Variants in PIGU observed in about 807,000 individuals in gnomAD.
PIGU encodes phosphatidylinositol glycan anchor biosynthesis class U, also known as GPI-anchor transamidase component PIGU.
A neutral mutation model predicts 49.9 loss-of-function variants in PIGU; 24 were observed. The ratio of observed to expected loss-of-function variants is 0.48; its 90% CI spans 0.35 to 0.68. The LOEUF (loss-of-function observed/expected upper bound fraction) is 0.68, where lower values mean the gene tolerates loss of function less well. PIGU is among the 30% of genes least tolerant of loss of function. PIGU has a pLI of 0.01. For missense variants in PIGU, 490 were observed against 532.6 expected (o/e 0.92, Z 0.79); for synonymous variants, 220 against 205.7 (o/e 1.07, Z -0.59).
chr20:34,632,913 T>A, intron 6 of PIGU, among the ~76,000 whole-genome samples: 1 of 149,228 alleles, frequency 6.7e-6, no homozygotes, highest in Middle Eastern at 3.4e-3. Flanking sequence ...TGTGTTTAAG[T>A]GTTGTTAAAA....
intron 3 of PIGU, 82 bp downstream of exon 3, chr20:34,645,193 A>C: frequency 7.2e-7 from 1 of 1,391,012 alleles, no homozygotes; most frequent in South Asian, 1.5e-5. Flanking sequence ...ATCTCAAAAA[A>C]AAAAAAAAAA....
intron 8 of PIGU, among the ~76,000 whole-genome samples, chr20:34,586,660 C>G (rs757392673): frequency 2.0e-4 from 30 of 151,200 alleles, no homozygotes; most frequent in Non-Finnish European, 3.8e-4. Context: ...CTATGCAGAG[C>G]CTGGCACGCA....
chr20:34,631,804 T>G (rs1600644503), intron 6 of PIGU, among the ~76,000 whole-genome samples: 1 of 35,896 alleles, frequency 2.8e-5, no homozygotes, highest in African/African-American at 1.1e-4. Flanking sequence ...TTTTTTTTTT[T>G]TTTTTTTTTT....
intron 7 of PIGU, among the ~76,000 whole-genome samples, chr20:34,592,060 G>A (rs988514517): frequency 6.6e-6 from 1 of 151,918 alleles, no homozygotes; most frequent in Non-Finnish European, 1.5e-5. Context: ...TGGTGGTTGG[G>A]CGCCTGTAGT....
At chr20:34,626,295 A>C (rs1600639829) in intron 6 of PIGU, among the ~76,000 whole-genome samples, 1 of 146,092 alleles carries the variant, frequency 6.8e-6, no homozygotes. Flanking sequence ...ATTTTTTAAA[A>C]CTCCAAACTT....
rs187529207 is a variant in PIGU at position 34,591,447 on chromosome 20, A to G, written c.628-2840T>C. Among the ~76,000 whole-genome samples, 23 of 152,344 alleles carry G rather than the reference A, an allele frequency of 1.5e-4. 1 individual carries two copies. Among genetic ancestry groups the G allele is most frequent in the South Asian group, 1.2e-3 (6 of 4,832 alleles). On this transcript the variant is annotated intron_variant, in intron 7 of 11. Coordinates refer to ENST00000217446, the MANE Select transcript of PIGU (RefSeq NM_080476.5). ...ATACTTATATAGAGCAGGGCACCTAATAACTAAGTAATTCACATTCATTTC... is the reference window on the plus strand; with the variant it reads ...ATACTTATATAGAGCAGGGCACCTAGTAACTAAGTAATTCACATTCATTTC...
At chr20:34,673,170 C>T (rs1423641918) in intron 1 of PIGU, among the ~76,000 whole-genome samples, 3 of 148,082 alleles carry the variant, frequency 2.0e-5, no homozygotes, top group South Asian at 2.1e-4. Flanking sequence ...AGGAGAATGG[C>T]GTAAACCCGG....
At position 34,677,010 on chromosome 20, in the gene PIGU, C is replaced by A; in HGVS notation, c.76G>T (p.Glu26Ter). Residue 26 changes from glutamate to a stop codon, truncating the protein, a stop_gained, in exon 1 of 12, where the codon GAG becomes TAG. Coordinates refer to ENST00000217446, the MANE Select transcript of PIGU (RefSeq NM_080476.5). LOFTEE classifies it high-confidence loss of function. ...RAALFRSSLA[E>*]FISERVEVVS... ...ACCTCCACCCGCTCGGAAATGAACT[C>A]GGCCAGACTGGAGCGGAACAAGGCC... 1 of 1,584,616 alleles carries A rather than the reference C, an allele frequency of 6.3e-7. No individual in the cohort carries two copies.
At position 34,627,546 on chromosome 20, in the gene PIGU, C is replaced by T. The variant is rs1395102887; in HGVS notation, c.529+7069G>A. 4.6e-5 allele frequency among the ~76,000 whole-genome samples: 7 copies of T among 151,260 alleles called. No homozygotes were observed. In the South Asian group the frequency reaches 1.0e-3, roughly 23 times the overall value. ...TTTCTTCCCCAAACAAAAACCTTTT[C>T]GTTGACTTACAGGTCATAAAATATT... On this transcript the variant is annotated intron_variant, in intron 6 of 11. Transcript: ENST00000217446.
chr20:34,563,557 GTAA>G (rs1982619780), intron 11 of PIGU, among the ~76,000 whole-genome samples: 1 of 141,102 alleles, frequency 7.1e-6, no homozygotes, highest in African/African-American at 2.6e-5. Flanking sequence ...GTCTCAAAAA[GTAA>G]TAATAAAAAA....
chr20:34,585,112 G>A (rs961473106), intron 9 of PIGU, among the ~76,000 whole-genome samples: 5 of 152,204 alleles, frequency 3.3e-5, no homozygotes, highest in African/African-American at 9.7e-5. Context: ...TGGGATTACA[G>A]GTGTGAGCCA....
chr20:34,562,725 G>A (rs1403372116), intron 11 of PIGU, among the ~76,000 whole-genome samples: 2 of 152,246 alleles, frequency 1.3e-5, no homozygotes, highest in East Asian at 3.9e-4. Flanking sequence ...CACGAGATTG[G>A]TCACAGCGTC....
At chr20:34,666,831 G>C (rs948324146) in intron 1 of PIGU, among the ~76,000 whole-genome samples, 5 of 151,536 alleles carry the variant, frequency 3.3e-5, no homozygotes, top group Non-Finnish European at 7.4e-5. Context: ...CGAGTAGCTG[G>C]GACTCCAGGC....
At chr20:34,645,407 T>C in intron 2 of PIGU, 73 bp from the exon 3 acceptor site, 13 of 1,458,010 alleles carry the variant, frequency 8.9e-6, no homozygotes, top group Non-Finnish European at 1.2e-5. Flanking sequence ...GAGTAGAGAG[T>C]GGGGAGAAAA....
At chr20:34,631,785 ATTTTTTTTTTTTTTTTTTTTTTT>A (rs1166878990) in intron 6 of PIGU, among the ~76,000 whole-genome samples, 1 of 6,444 alleles carries the variant, frequency 1.6e-4, no homozygotes. Flanking sequence ...ATATATATAT[ATTTTTTTTTTTTTTTTTTTTTTT>A]TTTTTTTTAG....
At chr20:34,641,588 C>G (rs930537194) in intron 4 of PIGU, among the ~76,000 whole-genome samples, 2 of 152,152 alleles carry the variant, frequency 1.3e-5, no homozygotes, top group African/African-American at 4.8e-5. Flanking sequence ...CGCAGGCTAA[C>G]AGCTGGAGAG....
chr20:34,659,578 A>G (rs1361631663), intron 1 of PIGU, among the ~76,000 whole-genome samples: 1 of 152,228 alleles, frequency 6.6e-6, no homozygotes, highest in African/African-American at 2.4e-5. Flanking sequence ...AGAACGGGCC[A>G]GGATGACAAT....
intron 6 of PIGU, among the ~76,000 whole-genome samples, chr20:34,631,777 A>T (rs1568649499): frequency 3.9e-4 from 1 of 2,582 alleles, no homozygotes; most frequent in African/African-American, 2.5e-3. Flanking sequence ...ATATATATAT[A>T]TATATATATT....
intron 11 of PIGU, among the ~76,000 whole-genome samples, chr20:34,563,996 C>T (rs1982640294): frequency 6.6e-6 from 1 of 152,138 alleles, no homozygotes; most frequent in Admixed American, 6.5e-5. Flanking sequence ...GGGGGACAAA[C>T]CTAAATTGGG....
Sources: allele counts gnomAD v4.1 joint callset (sites outside exome capture counted in the v4.1 genomes callset), GRCh38; gene constraint gnomAD v4.1.1; transcripts MANE v1.5; gene names NCBI Gene and HGNC (gene_info 2026-07-23, HGNC 2026-07-21).